Variants in CCDC192 observed in about 807,000 individuals in gnomAD.
The protein encoded by CCDC192 is coiled-coil domain containing 192.
At chr5:127,713,494 TCCTGTCTGTA>T (rs1751453213) in intron 2 of CCDC192, among the ~76,000 whole-genome samples, 1 of 152,190 alleles carries the variant, frequency 6.6e-6, no homozygotes, top group Non-Finnish European at 1.5e-5. Context: ...AAGTATTTTC[TCCTGTCTGTA>T]CCTGGTCTTG....
intron 5 of CCDC192, among the ~76,000 whole-genome samples, chr5:127,842,584 G>A (rs371013127): frequency 2.0e-5 from 3 of 152,156 alleles, no homozygotes; most frequent in South Asian, 2.1e-4. Context: ...TTTCAAAAGC[G>A]ATGTAGCCAG....
intron 6 of CCDC192, among the ~76,000 whole-genome samples, chr5:127,905,948 A>G (rs1219555574): frequency 2.0e-5 from 3 of 152,196 alleles, no homozygotes; most frequent in African/African-American, 4.8e-5. Context: ...GAAAGCAGCA[A>G]TTTTGTCAAA....
chr5:127,744,159 G>T (rs1453538813), intron 2 of CCDC192, among the ~76,000 whole-genome samples: 1 of 148,764 alleles, frequency 6.7e-6, no homozygotes, highest in South Asian at 2.2e-4. Context: ...AAGAACATGA[G>T]AATGATGAAA....
chr5:127,732,928 C>T (rs1407577282), intron 2 of CCDC192, among the ~76,000 whole-genome samples: 1 of 152,084 alleles, frequency 6.6e-6, no homozygotes, highest in Non-Finnish European at 1.5e-5. Flanking sequence ...TTGATAGATG[C>T]AGCAAATCAC....
intron 6 of CCDC192, among the ~76,000 whole-genome samples, chr5:127,898,849 AT>A (rs1222517194): frequency 6.6e-6 from 1 of 152,138 alleles, no homozygotes; most frequent in East Asian, 1.9e-4. Flanking sequence ...GGACAAAAGT[AT>A]GGTGTTCTAA....
At chr5:127,721,137 T>C (rs751171184) in intron 2 of CCDC192, among the ~76,000 whole-genome samples, 2 of 152,252 alleles carry the variant, frequency 1.3e-5, no homozygotes, top group Non-Finnish European at 1.5e-5. Flanking sequence ...TTCTACTACG[T>C]GGCTGGGCTG....
intron 5 of CCDC192, among the ~76,000 whole-genome samples, chr5:127,861,353 TAAA>T (rs111544483): frequency 7.9e-6 from 1 of 127,378 alleles, no homozygotes. Flanking sequence ...AATTTTAAGC[TAAA>T]AAAAAAAAAA....
intron 2 of CCDC192, among the ~76,000 whole-genome samples, chr5:127,711,948 C>A (rs1010839414): frequency 1.3e-5 from 2 of 151,908 alleles, no homozygotes; most frequent in Non-Finnish European, 2.9e-5. Flanking sequence ...AGTTTTGATA[C>A]CATGTGAAGC....
At chr5:127,728,827 G>A (rs1018266642) in intron 2 of CCDC192, among the ~76,000 whole-genome samples, 3 of 152,138 alleles carry the variant, frequency 2.0e-5, no homozygotes, top group Admixed American at 6.5e-5. Context: ...ACACACATAG[G>A]CTCAAAATAA....
rs1265037089 is a variant in CCDC192, at chr5:127,812,117, G to A, written c.411+13955G>A. Among the ~76,000 whole-genome samples, 119 of 152,172 alleles carry A rather than the reference G, an allele frequency of 7.8e-4. 1 individual carries two copies. Among genetic ancestry groups the A allele is most frequent in the Admixed American group, 7.7e-3 (118 of 15,270 alleles). On this transcript the variant is annotated intron_variant, in intron 5 of 6. Coordinates refer to ENST00000514853, the MANE Select transcript of CCDC192 (RefSeq NM_001317938.2). ...CTAAATGTATCTAGCTCACCGATTT[G>A]TCATGAGGGTTAAATGTGTTAATTT...
chr5:127,753,337 C>T (rs923946366), intron 2 of CCDC192, among the ~76,000 whole-genome samples: 1 of 152,144 alleles, frequency 6.6e-6, no homozygotes, highest in African/African-American at 2.4e-5. Context: ...TCACAAAGGC[C>T]TGTACCTTGT....
chr5:127,909,587 G>T (rs1239591321), intron 6 of CCDC192, among the ~76,000 whole-genome samples: 1 of 151,848 alleles, frequency 6.6e-6, no homozygotes, highest in African/African-American at 2.4e-5. Context: ...ATCAACAGCT[G>T]TAAAGTGACA....
At chr5:127,807,356 T>C (rs767179330) in intron 5 of CCDC192, among the ~76,000 whole-genome samples, 6 of 152,174 alleles carry the variant, frequency 3.9e-5, no homozygotes, top group Admixed American at 6.5e-5. Flanking sequence ...AATCCTGTCA[T>C]GTCCTGTCAG....
chr5:127,921,150 A>G (rs1464017707), intron 6 of CCDC192, among the ~76,000 whole-genome samples: 1 of 149,916 alleles, frequency 6.7e-6, no homozygotes, highest in South Asian at 2.1e-4. Flanking sequence ...AGGAGAGGAA[A>G]GGAAAGGAGA....
intron 5 of CCDC192, among the ~76,000 whole-genome samples, chr5:127,845,313 G>A (rs745765511): frequency 6.6e-6 from 1 of 152,142 alleles, no homozygotes; most frequent in Non-Finnish European, 1.5e-5. Flanking sequence ...ATGTGGCCAC[G>A]AATGAGAGCA....
intron 2 of CCDC192, among the ~76,000 whole-genome samples, chr5:127,739,260 A>T (rs1445913262): frequency 1.3e-5 from 2 of 152,154 alleles, no homozygotes; most frequent in South Asian, 2.1e-4. Context: ...GGGGTCAGGG[A>T]CCCACTTGAG....
chr5:127,719,528 C>CACAT (rs1208126299), intron 2 of CCDC192, among the ~76,000 whole-genome samples: 1 of 51,550 alleles, frequency 1.9e-5, no homozygotes, highest in African/African-American at 8.7e-5. Context: ...TATATATACA[C>CACAT]ACATACATAT....
At chr5:127,750,572 G>GA (rs1375812052) in intron 2 of CCDC192, among the ~76,000 whole-genome samples, 2 of 142,304 alleles carry the variant, frequency 1.4e-5, no homozygotes, top group South Asian at 2.4e-4. Context: ...GTGTGGTGCT[G>GA]AAAAAAATGT....
chr5:127,752,584 C>A (rs1027081826), intron 2 of CCDC192, among the ~76,000 whole-genome samples: 1 of 152,216 alleles, frequency 6.6e-6, no homozygotes, highest in African/African-American at 2.4e-5. Flanking sequence ...GTGCCCTGCC[C>A]CCAGAGGTGG....
Sources: gnomAD v4.1 joint callset for allele counts (sites outside exome capture counted in the v4.1 genomes callset) on GRCh38, gnomAD v4.1.1 for gene constraint, MANE v1.5 for transcripts, NCBI Gene and HGNC (gene_info 2026-07-23, HGNC 2026-07-21) for gene names.